Variants in RPS6KC1 observed in about 807,000 individuals in gnomAD.
The protein encoded by RPS6KC1 is inactive ribosomal protein S6 kinase delta-1.
Under a neutral mutation model 103.8 loss-of-function variants are expected in RPS6KC1, and 54 were observed. The observed-to-expected ratio is 0.52, with a 90% confidence interval of 0.42 to 0.65. The LOEUF (loss-of-function observed/expected upper bound fraction) is 0.65. RPS6KC1 is among the 30% of genes least tolerant of loss of function. RPS6KC1 has a pLI of 0.00. For missense variants in RPS6KC1, 1,151 were observed against 1,253.8 expected, an observed-to-expected ratio of 0.92 and a Z score of 1.24; for synonymous variants, 439 against 438.7, an observed-to-expected ratio of 1.00 and a Z score of -0.01.
chr1:213,385,688 G>A, the RPS6KC1 span, among the ~76,000 whole-genome samples: 4 of 152,150 alleles, frequency 2.6e-5, no homozygotes, highest in Admixed American at 2.6e-4. Context: ...TGACTAAATA[G>A]ATTGCTACTG....
the RPS6KC1 span, among the ~76,000 whole-genome samples, chr1:213,548,974 A>G: frequency 5.1e-4 from 78 of 151,974 alleles, no homozygotes; most frequent in African/African-American, 1.8e-3. Context: ...TGGGAGGGAA[A>G]CTCTCATGAA....
chr1:213,806,369 T>G, the RPS6KC1 span, among the ~76,000 whole-genome samples: 1 of 151,980 alleles, frequency 6.6e-6, no homozygotes, highest in Non-Finnish European at 1.5e-5. Context: ...GAAAAAAAAA[T>G]CAGTAAACCA....
chr1:213,167,370 A>T (rs1470802600), intron 6 of RPS6KC1, among the ~76,000 whole-genome samples: 1 of 150,788 alleles, frequency 6.6e-6, no homozygotes, highest in Non-Finnish European at 1.5e-5. Flanking sequence ...AATTCAGTTC[A>T]CTTCAGTTCA....
chr1:213,668,210 GC>G, the RPS6KC1 span, among the ~76,000 whole-genome samples: 14 of 151,872 alleles, frequency 9.2e-5, no homozygotes, highest in East Asian at 1.3e-3. Flanking sequence ...ATTTATGACA[GC>G]TAAAGCCTTA....
the RPS6KC1 span, among the ~76,000 whole-genome samples, chr1:213,382,580 C>T: frequency 1.1e-3 from 167 of 145,638 alleles, no homozygotes; most frequent in Non-Finnish European, 7.3e-4. Context: ...ACTTGGCAGG[C>T]GTGGCCTGGG....
chr1:213,668,271 G>A, the RPS6KC1 span, among the ~76,000 whole-genome samples: 46 of 152,188 alleles, frequency 3.0e-4, no homozygotes, highest in Middle Eastern at 3.4e-3. Context: ...ATGACTCCTT[G>A]ATTCATGGGC....
At chr1:213,710,594 A>G in the RPS6KC1 span, among the ~76,000 whole-genome samples, 52 of 152,164 alleles carry the variant, frequency 3.4e-4, 1 homozygote, top group Admixed American at 2.7e-3. Context: ...TAGTTGATGT[A>G]GTTTCTTCAT....
the RPS6KC1 span, among the ~76,000 whole-genome samples, chr1:213,678,247 A>G: frequency 6.6e-6 from 1 of 152,212 alleles, no homozygotes; most frequent in Non-Finnish European, 1.5e-5. Context: ...CTTGCAAAAT[A>G]ACTTAACATC....
chr1:213,801,243 G>C, the RPS6KC1 span, among the ~76,000 whole-genome samples: 3 of 151,976 alleles, frequency 2.0e-5, no homozygotes, highest in African/African-American at 7.3e-5. Flanking sequence ...TCATATTCAA[G>C]GAGAAAAAAA....
the RPS6KC1 span, among the ~76,000 whole-genome samples, chr1:213,785,372 G>A: frequency 6.6e-6 from 1 of 151,984 alleles, no homozygotes; most frequent in African/African-American, 2.4e-5. Context: ...GGAGATGTCC[G>A]TGGATCTGTT....
At chr1:213,396,719 C>T in the RPS6KC1 span, among the ~76,000 whole-genome samples, 1,360 of 152,312 alleles carry the variant, frequency 8.9e-3, 20 homozygotes, top group African/African-American at 0.031. Flanking sequence ...GCTGTGTGGA[C>T]CTCCTTTTGT....
In RPS6KC1 at chr1:213,151,103, G is replaced by A. The variant is rs569344367; in HGVS notation, c.836-16755G>A. 9.2e-3 allele frequency among the ~76,000 whole-genome samples: 1,336 copies of A among 145,072 alleles called. 31 individuals carry two copies. The highest frequency in any genetic ancestry group is 0.031 in the African/African-American group (1,195 of 38,730). The stretch of plus-strand genomic sequence containing the variant: ...GCGCCCCTCACCTCCCGGATGGGGG[G>A]GCTGGCTGGGCGGGGGGCTGACCCC... On this transcript the variant is annotated intron_variant, in intron 6 of 14. Coordinates refer to ENST00000366960, the MANE Select transcript of RPS6KC1 (RefSeq NM_012424.6).
At chr1:213,339,149 A>T in the RPS6KC1 span, among the ~76,000 whole-genome samples, 2 of 152,172 alleles carry the variant, frequency 1.3e-5, no homozygotes, top group Non-Finnish European at 2.9e-5. Context: ...CTGTAATCCT[A>T]GCTACTCAGG....
At chr1:213,559,130 A>C in the RPS6KC1 span, among the ~76,000 whole-genome samples, 1 of 152,204 alleles carries the variant, frequency 6.6e-6, no homozygotes, top group African/African-American at 2.4e-5. Flanking sequence ...TTCACAGGGA[A>C]GTTGGATGCC....
Position 213,240,810 on chromosome 1 carries a change from A to G in RPS6KC1, c.1334A>G (p.Gln445Arg). 1 of 1,613,986 alleles carries G rather than the reference A, an allele frequency of 6.2e-7. No homozygotes were observed. Among genetic ancestry groups the G allele is most frequent in the African/African-American group, 1.3e-5 (1 of 75,042 alleles). ...KPTLAKVHLQ[Q>R]PTSSPQDSSS... ...ACACTTGCAAAAGTTCACCTGCAGC[A>G]GCCAACTTCTAGTCCTCAGGACAGC... Residue 445 changes from glutamine (Q) to arginine (R), a missense_variant, in exon 11 of 15, where the codon CAG (glutamine) becomes CGG (arginine). This residue lies in a region of RPS6KC1 where 959 missense variants were observed against 1,006.3 expected (regional missense o/e 0.95). Transcript: ENST00000366960.
At chr1:213,351,708 G>A in the RPS6KC1 span, among the ~76,000 whole-genome samples, 6,780 of 152,168 alleles carry the variant, frequency 0.045, 206 homozygotes, top group Non-Finnish European at 0.072. Context: ...GTGACAAAAG[G>A]GCTCTTCTAA....
chr1:213,440,770 G>T, the RPS6KC1 span, among the ~76,000 whole-genome samples: 1 of 152,134 alleles, frequency 6.6e-6, no homozygotes, highest in Non-Finnish European at 1.5e-5. Flanking sequence ...GTGTTTGTGG[G>T]TAATACTGAT....
In RPS6KC1 at chr1:213,117,333, A is replaced by C; in HGVS notation, c.395A>C (p.Asp132Ala). The change falls in exon 5 of 15, where the codon GAT (aspartate) becomes GCT (alanine). Residue 132 changes from aspartate (D) to alanine (A), a missense_variant. By Grantham distance (126) the Asp-to-Ala change is moderately radical. Around this residue, in one of 3 missense-constraint regions of RPS6KC1, gnomAD observed 959 missense variants for 1,006.3 expected, o/e 0.95. Transcript: ENST00000366960. ...EDFFKGGIINDSSELIGPAEA... is the reference protein window; with the variant it reads ...EDFFKGGIINASSELIGPAEA... ...TCTCTTTAGGGTGGAATAATTAATG[A>C]TAGTTCTGAATTAATTGGTCCTGCT... The C allele has an allele frequency of 6.3e-7, 1 of 1,599,944 alleles. No homozygotes were observed. The highest frequency in any genetic ancestry group is 8.6e-7 in the Non-Finnish European group (1 of 1,167,816).
the RPS6KC1 span, among the ~76,000 whole-genome samples, chr1:213,772,535 A>C: frequency 6.6e-6 from 1 of 152,148 alleles, no homozygotes; most frequent in African/African-American, 2.4e-5. Context: ...GGCCCTTTAG[A>C]GTGAGAGAAT....
Sources: allele counts gnomAD v4.1 joint callset (sites outside exome capture counted in the v4.1 genomes callset), GRCh38; gene constraint gnomAD v4.1.1; regional missense constraint gnomAD v4.1.1; transcripts MANE v1.5; gene names NCBI Gene and HGNC (gene_info 2026-07-23, HGNC 2026-07-21).